The following RAD51B variants were observed in gnomAD, a reference collection of about 807,000 sequenced individuals.
The protein encoded by RAD51B is RAD51 paralog B.
Under a neutral mutation model 42.2 loss-of-function variants are expected in RAD51B, and 38 were observed. The observed-to-expected ratio is 0.90, with a 90% confidence interval of 0.70 to 1.18. The LOEUF is 1.18. Among genes scored for constraint, RAD51B ranks in the 50% most tolerant of loss-of-function variants. The pLI, the probability that RAD51B is intolerant of heterozygous loss-of-function variation, is 0.00. For missense variants in RAD51B, 373 were observed against 400.7 expected, an observed-to-expected ratio of 0.93 and a Z score of 0.59; for synonymous variants, 154 against 145.2, an observed-to-expected ratio of 1.06 and a Z score of -0.43.
At chr14:68,635,150 A>G (rs990511340) in intron 10 of RAD51B, among the ~76,000 whole-genome samples, 1 of 152,212 alleles carries the variant, frequency 6.6e-6, no homozygotes, top group African/African-American at 2.4e-5. Context: ...GCCTCTGAGT[A>G]TCCCCCCCTC....
intron 7 of RAD51B, among the ~76,000 whole-genome samples, chr14:68,199,424 G>A (rs781472226): frequency 4.6e-5 from 7 of 152,128 alleles, no homozygotes; most frequent in Non-Finnish European, 7.3e-5. Context: ...CTGAACTTAG[G>A]CCTGTAATAG....
At chr14:68,471,164 G>A (rs2086113808) in intron 10 of RAD51B, among the ~76,000 whole-genome samples, 3 of 152,118 alleles carry the variant, frequency 2.0e-5, no homozygotes, top group Non-Finnish European at 4.4e-5. Context: ...CCATGTCCAG[G>A]GACTTAGAGA....
chr14:68,550,204 C>T (rs575581471), intron 10 of RAD51B, among the ~76,000 whole-genome samples: 1 of 152,302 alleles, frequency 6.6e-6, no homozygotes, highest in African/African-American at 2.4e-5. Context: ...TACTTTTCCT[C>T]CTGGAAATGT....
At chr14:67,977,361 A>G (rs1309191189) in intron 7 of RAD51B, among the ~76,000 whole-genome samples, 1 of 152,208 alleles carries the variant, frequency 6.6e-6, no homozygotes, top group East Asian at 1.9e-4. Context: ...GACAGTTTGG[A>G]ACTACATTTT....
chr14:67,900,322 A>G (rs1460330342), intron 7 of RAD51B, among the ~76,000 whole-genome samples: 1 of 152,168 alleles, frequency 6.6e-6, no homozygotes, highest in Non-Finnish European at 1.5e-5. Context: ...TAAGTCTTGT[A>G]ATAAGGATGC....
downstream of RAD51B, among the ~76,000 whole-genome samples, chr14:68,600,561 A>C (rs936611617): frequency 1.3e-5 from 2 of 152,086 alleles, no homozygotes; most frequent in African/African-American, 4.8e-5. Flanking sequence ...CGGTCCCTAC[A>C]TCAGCACCCG....
At chr14:67,936,574 GT>G (rs2044961637) in intron 7 of RAD51B, among the ~76,000 whole-genome samples, 1 of 152,120 alleles carries the variant, frequency 6.6e-6, no homozygotes. Flanking sequence ...ACAAGCTTTT[GT>G]TTGGACATAT....
chr14:68,031,344 C>G (rs1465681761), intron 7 of RAD51B, among the ~76,000 whole-genome samples: 1 of 152,112 alleles, frequency 6.6e-6, no homozygotes. Flanking sequence ...TCCACCTGGC[C>G]CTGCCCTTGA....
intron 9 of RAD51B, among the ~76,000 whole-genome samples, chr14:68,426,490 C>T (rs957758964): frequency 2.0e-5 from 3 of 152,174 alleles, no homozygotes; most frequent in Admixed American, 6.5e-5. Context: ...ATTGCATCCA[C>T]GCCTTGAGGT....
intron 8 of RAD51B, among the ~76,000 whole-genome samples, chr14:68,333,987 A>G (rs567476148): frequency 6.6e-6 from 1 of 152,222 alleles, no homozygotes; most frequent in South Asian, 2.1e-4. Context: ...CTTCTATGTA[A>G]TCAACTTTTT....
rs370400364 is a variant in RAD51B, at chr14:68,486,348, A to C, written c.1036+18098A>C. Among the ~76,000 whole-genome samples the C allele has an allele frequency of 2.9e-4, 44 of 152,282 alleles. 5 individuals are homozygous for C. The highest frequency in any genetic ancestry group is 1.0e-3 in the African/African-American group (43 of 41,560). ...CAGATCCCTGCCCATTCTATTTAGA[A>C]TCGGAGGTTTAAGTCTATTGCCACT... On this transcript the variant is annotated intron_variant, in intron 10 of 10. Transcript: ENST00000487270.
intron 11 of RAD51B, chr14:68,683,015 T>C (rs2140165754): frequency 1.1e-6 from 1 of 949,616 alleles, no homozygotes; most frequent in Non-Finnish European, 1.3e-6. Context: ...GCATATCCTG[T>C]CACAAAGGAC....
At chr14:68,579,959 A>G (rs1205004900) in intron 10 of RAD51B, among the ~76,000 whole-genome samples, 1 of 152,230 alleles carries the variant, frequency 6.6e-6, no homozygotes, top group Non-Finnish European at 1.5e-5. Context: ...CAGAAGGAGA[A>G]GGTGTGGGAG....
chr14:68,463,395 C>T (rs2085895042), intron 9 of RAD51B, among the ~76,000 whole-genome samples: 1 of 152,012 alleles, frequency 6.6e-6, no homozygotes, highest in African/African-American at 2.4e-5. Flanking sequence ...AAGCAATGTG[C>T]ATCTTCATAT....
intron 4 of RAD51B, among the ~76,000 whole-genome samples, chr14:67,854,894 G>A (rs941053908): frequency 2.6e-5 from 4 of 152,134 alleles, no homozygotes; most frequent in African/African-American, 7.2e-5. Flanking sequence ...TGAGCCAGGA[G>A]TTCAAACCTG....
chr14:68,172,351 A>G lies in RAD51B; in HGVS notation c.757-119533A>G, dbSNP rs1026440972. On this transcript the variant is annotated intron_variant, in intron 7 of 10. Coordinates refer to ENST00000471583, the MANE Select transcript of RAD51B (RefSeq NM_133510.4). The stretch of plus-strand genomic sequence containing the variant: ...AACCTCTGACCACATTGCAAAATGT[A>G]AACAGAGCCAGATACCGACAGGTTT... Among the ~76,000 whole-genome samples the G allele has an allele frequency of 2.0e-5, 3 of 152,226 alleles. No individual in the cohort carries two copies. The East Asian group carries it at 5.8e-4, about 29-fold the overall frequency.
Position 68,093,220 on chromosome 14 carries a change from G to C in RAD51B, c.757-198664G>C, listed in dbSNP as rs61987533. On this transcript the variant is annotated intron_variant, in intron 7 of 10. Transcript: ENST00000471583. ...CAGGATGATGCTGGCCTCATAAAAT[G>C]AGTTAGGGAGGATTCCCTCTTTTTC... Among the ~76,000 whole-genome samples the C allele has an allele frequency of 6.8e-4, 104 of 152,174 alleles. 1 individual carries two copies. The highest frequency in any genetic ancestry group is 1.1e-3 in the Non-Finnish European group (76 of 68,020).
At chr14:68,187,615 T>A (rs2079183523) in intron 7 of RAD51B, among the ~76,000 whole-genome samples, 1 of 152,168 alleles carries the variant, frequency 6.6e-6, no homozygotes, top group African/African-American at 2.4e-5. Flanking sequence ...AGATACACTA[T>A]GGAGGAAGGG....
chr14:67,977,753 C>T (rs1424898765), intron 7 of RAD51B, among the ~76,000 whole-genome samples: 1 of 152,148 alleles, frequency 6.6e-6, no homozygotes, highest in Non-Finnish European at 1.5e-5. Context: ...ACACCTACTG[C>T]CTAAAAATAA....
Sources: gnomAD v4.1 joint callset for allele counts (sites outside exome capture counted in the v4.1 genomes callset) on GRCh38, gnomAD v4.1.1 for gene constraint, MANE v1.5 for transcripts, NCBI Gene and HGNC (gene_info 2026-07-23, HGNC 2026-07-21) for gene names.